The following GLOD4 variants were observed in gnomAD, a reference collection of about 807,000 sequenced individuals.
GLOD4 encodes the protein glyoxalase domain-containing protein 4.
A neutral mutation model predicts 39.1 loss-of-function variants in GLOD4; 44 were observed. The observed-to-expected ratio is 1.13, with a 90% confidence interval of 0.88 to 1.45. The LOEUF (loss-of-function observed/expected upper bound fraction) is 1.45. Among genes scored for constraint, GLOD4 ranks in the 40% most tolerant of loss-of-function variants. The pLI is 0.00. For synonymous variants in GLOD4, 145 were observed against 135.0 expected, an observed-to-expected ratio of 1.07 and a Z score of -0.52; for missense variants, 405 against 366.4, an observed-to-expected ratio of 1.11 and a Z score of -0.86.
chr17:766,797 G>A (rs1176106800), intron 8 of GLOD4, among the ~76,000 whole-genome samples: 1 of 152,194 alleles, frequency 6.6e-6, no homozygotes, highest in African/African-American at 2.4e-5. Flanking sequence ...TCCTTGGGAG[G>A]CCGAGGCAGA....
intron 4 of GLOD4, among the ~76,000 whole-genome samples, chr17:775,378 G>A (rs1210057495): frequency 1.3e-5 from 2 of 152,216 alleles, no homozygotes; most frequent in African/African-American, 2.4e-5. Context: ...CTAGTTCTAG[G>A]AGAGGTACCC....
At chr17:767,469 T>G (rs1271763482) in intron 8 of GLOD4, among the ~76,000 whole-genome samples, 1 of 151,882 alleles carries the variant, frequency 6.6e-6, no homozygotes, top group East Asian at 1.9e-4. Context: ...CACACTCAGA[T>G]TTTTAGAAGA....
rs971168120 is a variant in GLOD4 at position 770,701 on chromosome 17, T to C, written c.544-194A>G. ...AAGCACTGCACGCATCTATGTTTTT[T>C]TTTTTACACAAATGGTGGTATAATT... On this transcript the variant is annotated intron_variant, in intron 5 of 8. Coordinates refer to ENST00000301329, the MANE Select transcript of GLOD4 (RefSeq NM_016080.4). 4.1e-4 allele frequency: 177 copies of C among 435,408 alleles called. 2 individuals are homozygous for C. The highest frequency in any genetic ancestry group is 3.4e-3 in the African/African-American group (169 of 50,236). 27.0% of individuals were successfully genotyped at this position (435,408 alleles called of 1,614,324 possible). A position where few individuals can be genotyped will look rare whatever the true frequency, so the allele number is the denominator to read the frequency against.
chr17:768,539 C>G (rs1487901283), intron 8 of GLOD4, among the ~76,000 whole-genome samples: 2 of 121,966 alleles, frequency 1.6e-5, no homozygotes, highest in Non-Finnish European at 1.6e-5. Flanking sequence ...TAGAAGAAAT[C>G]TGGAGAGGAC....
chr17:770,404 C>G lies in GLOD4; in HGVS notation c.630+17G>C, dbSNP rs759980711. 12 of 1,304,020 alleles carry G rather than the reference C, an allele frequency of 9.2e-6. No individual in the cohort carries two copies. The highest frequency in any genetic ancestry group is 1.8e-4 in the Middle Eastern group (1 of 5,504). The allele number at this position is 1,304,020 out of a possible 1,614,324, so 80.8% of individuals were successfully genotyped here. ...TAGCTAGTCAGAAAGCTCAAACGAT[C>G]TGGTATCAAGCGTTACCTCTTTCTG... On this transcript the variant is annotated intron_variant, in intron 6 of 8. Transcript: ENST00000301329.
chr17:766,939 C>T (rs565270402), intron 8 of GLOD4, among the ~76,000 whole-genome samples: 7 of 152,222 alleles, frequency 4.6e-5, no homozygotes, highest in South Asian at 2.1e-4. Flanking sequence ...AAATTAAGAG[C>T]GAGGAGGAAG....
rs755600049 is a variant in GLOD4 at position 776,831 on chromosome 17, C to T, written c.261+37G>A. ...TCAAATTTACAACCAGCCACCTACC[C>T]CCAGCCAAAACTCTGCTAGAAAAAA... is the stretch of plus-strand genomic sequence containing the variant. On this transcript the variant is annotated intron_variant, in intron 3 of 8. Coordinates refer to ENST00000301329, the MANE Select transcript of GLOD4 (RefSeq NM_016080.4). 8.3e-6 allele frequency: 13 copies of T among 1,568,122 alleles called. No individual in the cohort carries two copies. The East Asian group carries it at 2.0e-4, about 24-fold the overall frequency.
chr17:783,510 T>C, upstream of GLOD4: 1 of 528,154 alleles, frequency 1.9e-6, no homozygotes, highest in Non-Finnish European at 3.2e-6. Context: ...GTGATTTTTG[T>C]ATTTTTAGTA....
At position 782,235 on chromosome 17, in the gene GLOD4, C is replaced by CAG; in HGVS notation, c.19_20dup (p.His8CysfsTer23). On this transcript the variant is annotated frameshift_variant, in exon 1 of 9. Coordinates refer to ENST00000301329, the MANE Select transcript of GLOD4 (RefSeq NM_016080.4). LOFTEE classifies it high-confidence loss of function. The stretch of plus-strand genomic sequence containing the variant: ...GGTTTCCCACTTTGAATACGAAGTG[C>CAG]AGAGCTCTGCGAGCAGCCATGATTC... 6.2e-7 allele frequency: 1 copy of CAG among 1,613,404 alleles called. No individual in the cohort carries two copies. Among genetic ancestry groups the CAG allele is most frequent in the Non-Finnish European group, 8.5e-7 (1 of 1,179,680 alleles).
intron 4 of GLOD4, among the ~76,000 whole-genome samples, chr17:773,863 G>A (rs376597525): frequency 1.3e-5 from 2 of 152,170 alleles, no homozygotes; most frequent in South Asian, 2.1e-4. Context: ...GGAAGTTAAC[G>A]CGTGGGTGAA....
chr17:782,272 A>G lies in GLOD4; in HGVS notation c.-17T>C. ...AGCAGCCATGATTCCCGCCGCACGCAGCCGTCACGCGCACCGTACAGCCCA... is the reference window on the plus strand; with the variant it reads ...AGCAGCCATGATTCCCGCCGCACGCGGCCGTCACGCGCACCGTACAGCCCA... On this transcript the variant is annotated 5_prime_UTR_variant, in exon 1 of 9. Transcript: ENST00000301329. 3.1e-6 allele frequency: 5 copies of G among 1,613,228 alleles called. No individual in the cohort carries two copies. Among genetic ancestry groups the G allele is most frequent in the Non-Finnish European group, 4.2e-6 (5 of 1,179,512 alleles).
rs958940810 is a variant in GLOD4 at position 779,546 on chromosome 17, G to A, written c.91-802C>T. Among the ~76,000 whole-genome samples the A allele has an allele frequency of 5.3e-5, 8 of 151,640 alleles. No homozygotes were observed. In the East Asian group the frequency reaches 7.8e-4, roughly 15 times the overall value. On this transcript the variant is annotated intron_variant, in intron 1 of 8. Transcript: ENST00000301329. ...CCAGCTACTCAGGAGGCTGAGGTAG[G>A]AGAATTGCTTGAACACGGGAGGCAG...
At position 778,720 on chromosome 17, in the gene GLOD4, C is replaced by T. The variant is rs1324216393; in HGVS notation, c.115G>A (p.Glu39Lys). 6.2e-7 allele frequency: 1 copy of T among 1,603,690 alleles called. No homozygotes were observed. The highest frequency in any genetic ancestry group is 1.7e-5 in the Admixed American group (1 of 59,974). The change falls in exon 2 of 9, where the codon GAA (glutamate) becomes AAA (lysine). Residue 39 changes from glutamate (E) to lysine (K), a missense_variant. Coordinates refer to ENST00000301329, the MANE Select transcript of GLOD4 (RefSeq NM_016080.4). ...MKVLRHEEFE[E>K]GCKAACNGPY... ...CCATTACAGGCAGCTTTGCAGCCTT[C>T]TTCAAATTCCTCATGCCGCAGAACC... is the stretch of plus-strand genomic sequence containing the variant.
intron 4 of GLOD4, 96 bp from the exon 5 acceptor site, chr17:771,557 G>T: frequency 1.4e-6 from 1 of 707,454 alleles, no homozygotes; most frequent in Non-Finnish European, 2.2e-6. Context: ...TTCAGTTTAT[G>T]ATAAGAAAGG....
upstream of GLOD4, chr17:782,334 C>G (rs749049146): frequency 6.2e-7 from 1 of 1,611,716 alleles, no homozygotes; most frequent in Non-Finnish European, 8.5e-7. Flanking sequence ...ACGTCACTAG[C>G]CGCCGACGGC....
intron 8 of GLOD4, among the ~76,000 whole-genome samples, chr17:766,820 C>A (rs1310444514): frequency 2.0e-5 from 3 of 151,952 alleles, no homozygotes; most frequent in Non-Finnish European, 4.4e-5. Context: ...AATCGCTTGA[C>A]CCTGGGAGGC....
In GLOD4 at chr17:776,977, C is replaced by T. The variant is rs1405710257; in HGVS notation, c.152G>A (p.Gly51Glu). The change falls in exon 3 of 9, where the codon GGG (glycine) becomes GAG (glutamate). Residue 51 changes from glycine (G) to glutamate (E), a missense_variant. Gly to Glu is a moderately conservative substitution (Grantham distance 98). Coordinates refer to ENST00000301329, the MANE Select transcript of GLOD4 (RefSeq NM_016080.4). Reference sequence around the variant, plus strand: ...TCCCACCATTGTTTTACTCCATTTCCCATCATAAGGCCTAGAAAATAAAAG... The same window carrying T: ...TCCCACCATTGTTTTACTCCATTTCTCATCATAAGGCCTAGAAAATAAAAG... ...CKAACNGPYD[G>E]KWSKTMVGFG... 3 of 1,609,400 alleles carry T rather than the reference C, an allele frequency of 1.9e-6. No individual in the cohort carries two copies. In the East Asian group the frequency reaches 6.7e-5, roughly 36 times the overall value.
rs1384038370 is a variant in GLOD4 at position 782,268 on chromosome 17, A to G, written c.-13T>C. 1 of 1,613,128 alleles carries G rather than the reference A, an allele frequency of 6.2e-7. No homozygotes were observed. Among genetic ancestry groups the G allele is most frequent in the Middle Eastern group, 1.6e-4 (1 of 6,062 alleles). Reference sequence around the variant, plus strand: ...TGCGAGCAGCCATGATTCCCGCCGCACGCAGCCGTCACGCGCACCGTACAG... The same window carrying G: ...TGCGAGCAGCCATGATTCCCGCCGCGCGCAGCCGTCACGCGCACCGTACAG... On this transcript the variant is annotated 5_prime_UTR_variant, in exon 1 of 9. Transcript: ENST00000301329.
chr17:775,940 T>C (rs759388702), intron 3 of GLOD4, 21 bp from the exon 4 acceptor site: 5 of 1,603,910 alleles, frequency 3.1e-6, no homozygotes, highest in East Asian at 2.2e-5. Flanking sequence ...CAACAGTACA[T>C]CCAAGTACAT....
Sources: gnomAD v4.1 joint callset for allele counts (sites outside exome capture counted in the v4.1 genomes callset) on GRCh38, gnomAD v4.1.1 for gene constraint, MANE v1.5 for transcripts, NCBI Gene and HGNC (gene_info 2026-07-23, HGNC 2026-07-21) for gene names.